ARHGAP6: variants seen among roughly 807,000 people sequenced by gnomAD.
The protein encoded by ARHGAP6 is Rho GTPase activating protein 6, also known as rho GTPase-activating protein 6.
In ARHGAP6, 16 loss-of-function variants were observed where a neutral mutation model predicts 55.7. The ratio of observed to expected loss-of-function variants is 0.29; its 90% CI spans 0.19 to 0.44. ARHGAP6 has a LOEUF of 0.44. Among genes scored for constraint, ARHGAP6 ranks in the 20% least tolerant of loss-of-function variants. The probability of loss-of-function intolerance (pLI) is 1.00; values close to 1 mark genes in which losing one functional copy is unlikely to be tolerated. For missense variants in ARHGAP6, 698 were observed against 808.9 expected (o/e 0.86, Z 1.66); for synonymous variants, 382 against 360.9 (o/e 1.06, Z -0.66).
chrX:11,515,938 G>T (rs1051345391), intron 1 of ARHGAP6, among the ~76,000 whole-genome samples: 3 of 112,505 alleles, frequency 2.7e-5, no homozygotes, highest in Non-Finnish European at 5.6e-5. Context: ...CCCCCCAGGG[G>T]TGTTTCACCC....
At chrX:11,485,242 G>T (rs2050499954) in intron 1 of ARHGAP6, among the ~76,000 whole-genome samples, 1 of 112,284 alleles carries the variant, frequency 8.9e-6, no homozygotes, top group Non-Finnish European at 1.9e-5. Flanking sequence ...TCACTTGAAA[G>T]CCACTGCAAG....
intron 1 of ARHGAP6, among the ~76,000 whole-genome samples, chrX:11,426,841 TTC>T (rs1194224687): frequency 2.7e-5 from 3 of 109,989 alleles, no homozygotes; most frequent in Non-Finnish European, 5.7e-5. Flanking sequence ...CCCATGAGCT[TTC>T]TCTCTGTTGT....
At chrX:11,513,912 A>T (rs1261995767) in intron 1 of ARHGAP6, among the ~76,000 whole-genome samples, 1 of 110,551 alleles carries the variant, frequency 9.0e-6, no homozygotes, top group Non-Finnish European at 1.9e-5. Context: ...CCATAATCCC[A>T]GCATTTTGGG....
chrX:11,624,709 G>A (rs989156162), intron 1 of ARHGAP6, among the ~76,000 whole-genome samples: 3 of 111,572 alleles, frequency 2.7e-5, no homozygotes, highest in Non-Finnish European at 5.7e-5. Context: ...CCACCACCAC[G>A]CCTGGCTAAT....
intron 1 of ARHGAP6, among the ~76,000 whole-genome samples, chrX:11,631,990 T>C (rs973209185): frequency 5.4e-5 from 6 of 112,135 alleles, no homozygotes; most frequent in African/African-American, 1.9e-4. Flanking sequence ...ACCCCTGGTC[T>C]ACAGAAGGTG....
intron 1 of ARHGAP6, among the ~76,000 whole-genome samples, chrX:11,638,291 A>G (rs775916277): frequency 1.4e-4 from 16 of 112,275 alleles, no homozygotes; most frequent in Non-Finnish European, 3.0e-4. Flanking sequence ...TATACACAGA[A>G]GCAATGAAAA....
At chrX:11,433,146 G>T (rs758884745) in intron 1 of ARHGAP6, among the ~76,000 whole-genome samples, 1 of 112,181 alleles carries the variant, frequency 8.9e-6, no homozygotes, top group African/African-American at 3.2e-5. Flanking sequence ...AGTCACATAG[G>T]AGAGATGGAG....
intron 1 of ARHGAP6, among the ~76,000 whole-genome samples, chrX:11,500,877 T>C (rs1001095235): frequency 5.4e-5 from 6 of 110,480 alleles, no homozygotes; most frequent in African/African-American, 2.0e-4. Flanking sequence ...AATAGGATCA[T>C]GGACATTAAT....
chrX:11,138,804 T>TC lies in ARHGAP6; in HGVS notation c.*58dup, dbSNP rs1336959492. The TC allele has an allele frequency of 4.1e-5, 45 of 1,096,314 alleles. No individual in the cohort carries two copies. Among genetic ancestry groups the TC allele is most frequent in the Non-Finnish European group, 5.3e-5 (44 of 828,587 alleles). 90.3% of individuals were successfully genotyped at this position (1,096,314 alleles called of 1,213,427 possible). A position where few individuals can be genotyped will look rare whatever the true frequency, so the allele number is the denominator to read the frequency against. The stretch of plus-strand genomic sequence containing the variant: ...GTGTGCCAGTGGCCACCACCCACGG[T>TC]CCCCCCTGGGCTGGAGGGCGGGGGG... On this transcript the variant is annotated 3_prime_UTR_variant, in exon 13 of 13. Coordinates refer to ENST00000337414, the MANE Select transcript of ARHGAP6 (RefSeq NM_013427.3).
At chrX:11,489,930 G>A (rs1297248822) in intron 1 of ARHGAP6, among the ~76,000 whole-genome samples, 1 of 111,455 alleles carries the variant, frequency 9.0e-6, no homozygotes, top group Non-Finnish European at 1.9e-5. Context: ...GGAAGCATGT[G>A]AGAACCATGA....
At chrX:11,576,033 C>G (rs2051593268) in intron 1 of ARHGAP6, among the ~76,000 whole-genome samples, 1 of 111,888 alleles carries the variant, frequency 8.9e-6, no homozygotes, top group Admixed American at 9.5e-5. Context: ...TTTTAATGTG[C>G]TGATGGTTCA....
intron 1 of ARHGAP6, among the ~76,000 whole-genome samples, chrX:11,388,863 T>C (rs1384602930): frequency 1.8e-5 from 2 of 111,981 alleles, no homozygotes; most frequent in Non-Finnish European, 3.8e-5. Context: ...TTTGAAACCA[T>C]CTTTAAATAG....
chrX:11,580,973 C>A (rs1176107028), intron 1 of ARHGAP6, among the ~76,000 whole-genome samples: 1 of 112,317 alleles, frequency 8.9e-6, no homozygotes, highest in East Asian at 2.8e-4. Flanking sequence ...CCCCAAGGGA[C>A]CTAAGTGAAG....
chrX:11,177,189 G>T (rs1328698734), intron 8 of ARHGAP6, among the ~76,000 whole-genome samples: 1 of 111,244 alleles, frequency 9.0e-6, no homozygotes, highest in East Asian at 2.8e-4. Context: ...TAACTGCATG[G>T]TATCAAAGAG....
intron 2 of ARHGAP6, among the ~76,000 whole-genome samples, chrX:11,244,659 T>C (rs908605903): frequency 1.8e-5 from 2 of 112,296 alleles, no homozygotes; most frequent in Non-Finnish European, 3.8e-5. Context: ...GATGGGATAT[T>C]CTTCATAATT....
At chrX:11,485,262 GA>G (rs752240306) in intron 1 of ARHGAP6, among the ~76,000 whole-genome samples, 3 of 112,218 alleles carry the variant, frequency 2.7e-5, no homozygotes, top group Non-Finnish European at 5.6e-5. Flanking sequence ...GTTTCATACA[GA>G]AAATGTTTTT....
intron 1 of ARHGAP6, among the ~76,000 whole-genome samples, chrX:11,399,339 C>A (rs2049518020): frequency 1.3e-5 from 1 of 77,739 alleles, no homozygotes; most frequent in African/African-American, 5.0e-5. Context: ...CAGTTCCTGC[C>A]ACACAATAAG....
intron 2 of ARHGAP6, among the ~76,000 whole-genome samples, chrX:11,213,982 C>A (rs1422314161): frequency 9.0e-6 from 1 of 111,172 alleles, no homozygotes; most frequent in Non-Finnish European, 1.9e-5. Flanking sequence ...AAAAATGAAA[C>A]CGACAAACAT....
chrX:11,300,732 T>C (rs775957398), intron 1 of ARHGAP6: 2 of 671,795 alleles, frequency 3.0e-6, no homozygotes, highest in Non-Finnish European at 4.7e-6. Flanking sequence ...AAAAGTACCA[T>C]TAGCAGACAA....
Sources: allele counts gnomAD v4.1 joint callset (sites outside exome capture counted in the v4.1 genomes callset), GRCh38; gene constraint gnomAD v4.1.1; transcripts MANE v1.5; gene names NCBI Gene and HGNC (gene_info 2026-07-23, HGNC 2026-07-21).